The following INPP4B variants were observed in gnomAD, a reference collection of about 807,000 sequenced individuals.
The protein encoded by INPP4B is inositol polyphosphate-4-phosphatase type II B.
Under a neutral mutation model 122.5 loss-of-function variants are expected in INPP4B, and 55 were observed. That is an observed-to-expected ratio of 0.45 (90% CI 0.36 to 0.56). INPP4B has a LOEUF of 0.56. Among genes scored for constraint, INPP4B ranks in the 20% least tolerant of loss-of-function variants. INPP4B has a pLI of 0.00. For missense variants in INPP4B, 1,000 were observed against 1,097.7 expected (o/e 0.91, Z 1.26); for synonymous variants, 403 against 388.7 (o/e 1.04, Z -0.43).
At chr4:142,345,774 C>G (rs1260607017) in intron 7 of INPP4B, among the ~76,000 whole-genome samples, 1 of 151,870 alleles carries the variant, frequency 6.6e-6, no homozygotes, top group Non-Finnish European at 1.5e-5. Flanking sequence ...ATCAAAAGGA[C>G]CAGAATAATA....
At chr4:142,675,466 A>C (rs1194892603) in intron 2 of INPP4B, among the ~76,000 whole-genome samples, 1 of 152,204 alleles carries the variant, frequency 6.6e-6, no homozygotes, top group African/African-American at 2.4e-5. Context: ...TCCAAACAAC[A>C]GAAAAAGAGG....
intron 1 of INPP4B, among the ~76,000 whole-genome samples, chr4:142,726,983 G>C (rs918791828): frequency 1.3e-5 from 2 of 152,048 alleles, no homozygotes; most frequent in Non-Finnish European, 2.9e-5. Flanking sequence ...TATTATCACT[G>C]TTCTTTAAAG....
At chr4:142,835,279 A>G (rs1220347345) in intron 1 of INPP4B, among the ~76,000 whole-genome samples, 1 of 152,160 alleles carries the variant, frequency 6.6e-6, no homozygotes, top group East Asian at 1.9e-4. Context: ...GCACTAGGAG[A>G]TGTAGGGCCC....
At chr4:142,576,572 C>T (rs116370141) in intron 2 of INPP4B, among the ~76,000 whole-genome samples, 176 of 151,588 alleles carry the variant, frequency 1.2e-3, no homozygotes, top group African/African-American at 4.1e-3. Context: ...GTAGAAATAC[C>T]AAAGCCATAA....
At chr4:142,735,708 CTA>C (rs1766760507) in intron 1 of INPP4B, among the ~76,000 whole-genome samples, 1 of 152,098 alleles carries the variant, frequency 6.6e-6, no homozygotes, top group African/African-American at 2.4e-5. Context: ...AATTCTGTCT[CTA>C]TGTCTTATTA....
intron 14 of INPP4B, among the ~76,000 whole-genome samples, chr4:142,203,345 G>T (rs1435497365): frequency 6.6e-6 from 1 of 152,006 alleles, no homozygotes; most frequent in Non-Finnish European, 1.5e-5. Flanking sequence ...GCTTTAGTTT[G>T]AATTCATTAA....
rs1219912932 is a variant in INPP4B at position 142,125,116 on chromosome 4, A to T, written c.1721-356T>A. On this transcript the variant is annotated intron_variant, in intron 18 of 25. Transcript: ENST00000262992. Reference sequence around the variant, plus strand: ...CTGGACTTCCTCTTTTGCAGTTTTCACATTAACTTGGTCATTAAATTAGTT... The same window carrying T: ...CTGGACTTCCTCTTTTGCAGTTTTCTCATTAACTTGGTCATTAAATTAGTT... Among the ~76,000 whole-genome samples the T allele has an allele frequency of 2.0e-4, 30 of 152,054 alleles. 1 individual carries two copies. The highest frequency in any genetic ancestry group is 2.0e-3 in the Admixed American group (30 of 15,244).
chr4:142,525,365 C>T (rs1406205478), intron 2 of INPP4B, among the ~76,000 whole-genome samples: 3 of 144,022 alleles, frequency 2.1e-5, no homozygotes, highest in Non-Finnish European at 4.6e-5. Flanking sequence ...CAATGCCTTT[C>T]TTCACAGAAT....
intron 7 of INPP4B, among the ~76,000 whole-genome samples, chr4:142,384,714 G>T (rs1795352516): frequency 6.6e-6 from 1 of 152,006 alleles, no homozygotes; most frequent in Admixed American, 6.6e-5. Context: ...AAGTTCAGGG[G>T]ATACATGTGC....
intron 1 of INPP4B, among the ~76,000 whole-genome samples, chr4:142,746,330 T>C (rs1768743991): frequency 6.6e-6 from 1 of 151,948 alleles, no homozygotes; most frequent in African/African-American, 2.4e-5. Flanking sequence ...GTGAAGAGCC[T>C]CTTCAAGGGG....
At chr4:142,079,462 A>T (rs1483170359) in intron 25 of INPP4B, among the ~76,000 whole-genome samples, 1 of 152,016 alleles carries the variant, frequency 6.6e-6, no homozygotes, top group South Asian at 2.1e-4. Flanking sequence ...CAACTGTAAA[A>T]TATTGTCAGA....
intron 7 of INPP4B, chr4:142,317,427 A>G: frequency 3.2e-6 from 1 of 312,366 alleles, no homozygotes; most frequent in South Asian, 3.5e-5. Context: ...TGTGGCTACT[A>G]TAGAAATTGA....
chr4:142,383,778 C>G, intron 7 of INPP4B: 1 of 334,166 alleles, frequency 3.0e-6, no homozygotes, highest in Non-Finnish European at 5.4e-6. Context: ...AGTGGTTGCA[C>G]AGGCAGGAGG....
chr4:142,087,487 C>T (rs186620260), intron 23 of INPP4B, among the ~76,000 whole-genome samples: 196 of 152,274 alleles, frequency 1.3e-3, no homozygotes, highest in African/African-American at 4.5e-3. Context: ...AAAAGACTGT[C>T]TAAGTGAATG....
chr4:142,344,316 T>G (rs1490014363), intron 7 of INPP4B, among the ~76,000 whole-genome samples: 1 of 135,506 alleles, frequency 7.4e-6, no homozygotes, highest in Non-Finnish European at 1.7e-5. Context: ...AAAATAAAAT[T>G]TTATGCTATG....
chr4:142,229,349 A>C (rs917120864), intron 12 of INPP4B, among the ~76,000 whole-genome samples: 50 of 152,148 alleles, frequency 3.3e-4, no homozygotes, highest in African/African-American at 1.1e-3. Flanking sequence ...TTCTCAATAA[A>C]GTATTTAGAT....
chr4:142,260,542 G>A lies in INPP4B; in HGVS notation c.638C>T (p.Thr213Ile), dbSNP rs2150383456. 1.3e-6 allele frequency: 2 copies of A among 1,598,470 alleles called. No individual in the cohort carries two copies. The highest frequency in any genetic ancestry group is 8.5e-7 in the Non-Finnish European group (1 of 1,170,538). Residue 213 changes from threonine to isoleucine, a missense_variant, in exon 11 of 26, where the codon ACA becomes ATA. By Grantham distance (89) the Thr-to-Ile change is moderately conservative (BLOSUM62 -1). Coordinates refer to ENST00000262992, the MANE Select transcript of INPP4B (RefSeq NM_001101669.3). Reference sequence around the variant, plus strand: ...TTTTCCGCTCACACTTTCCGGGGCTGTACATTCACATACCAGGGCACACTA... The same window carrying A: ...TTTTCCGCTCACACTTTCCGGGGCTATACATTCACATACCAGGGCACACTA... Reference protein sequence around the residue: ...GQKCALVCECTAPESVSGKDN... With the variant: ...GQKCALVCECIAPESVSGKDN...
At chr4:142,123,244 C>G (rs752190943) in intron 20 of INPP4B, 48 bp downstream of exon 20, 2 of 1,433,336 alleles carry the variant, frequency 1.4e-6, no homozygotes, top group East Asian at 5.0e-5. Flanking sequence ...GATTAAATGT[C>G]CTTCTGAATA....
chr4:142,079,941 A>G (rs1325958196), intron 25 of INPP4B, among the ~76,000 whole-genome samples: 5 of 152,164 alleles, frequency 3.3e-5, no homozygotes, highest in Admixed American at 2.0e-4. Context: ...GGAAAATCAG[A>G]GTATTAACAT....
Sources: allele counts gnomAD v4.1 joint callset (sites outside exome capture counted in the v4.1 genomes callset), GRCh38; gene constraint gnomAD v4.1.1; transcripts MANE v1.5; gene names NCBI Gene and HGNC (gene_info 2026-07-23, HGNC 2026-07-21).